Variants in SEMA5A observed in about 807,000 individuals in gnomAD.
SEMA5A encodes semaphorin-5A.
Under a neutral mutation model 135.5 loss-of-function variants are expected in SEMA5A, and 55 were observed. That is an observed-to-expected ratio of 0.41 (90% confidence interval 0.33 to 0.51). SEMA5A has a LOEUF of 0.51. Among genes scored for constraint, SEMA5A ranks in the 20% least tolerant of loss-of-function variants. The probability of loss-of-function intolerance (pLI) is 0.37; values close to 1 mark genes in which losing one functional copy is unlikely to be tolerated. For missense variants in SEMA5A, 1,290 were observed against 1,419.9 expected (o/e 0.91, Z 1.47); for synonymous variants, 580 against 546.5 (o/e 1.06, Z -0.85).
At chr5:9,313,183 T>TA (rs1369646002) in intron 5 of SEMA5A, among the ~76,000 whole-genome samples, 1 of 152,166 alleles carries the variant, frequency 6.6e-6, no homozygotes, top group East Asian at 1.9e-4. Context: ...TCATTGTTGC[T>TA]AAACCAATGT....
At chr5:9,391,204 T>C (rs1756145831) in intron 2 of SEMA5A, among the ~76,000 whole-genome samples, 1 of 152,202 alleles carries the variant, frequency 6.6e-6, no homozygotes, top group South Asian at 2.1e-4. Flanking sequence ...AGTAACTAGC[T>C]GCAGCATCAT....
At chr5:9,325,282 TGCAC>T (rs1752820722) in intron 4 of SEMA5A, among the ~76,000 whole-genome samples, 1 of 152,132 alleles carries the variant, frequency 6.6e-6, no homozygotes, top group Non-Finnish European at 1.5e-5. Flanking sequence ...AATTTGACAT[TGCAC>T]ATTCACGTGC....
At chr5:9,071,386 A>T (rs1044752403) in intron 16 of SEMA5A, among the ~76,000 whole-genome samples, 2 of 152,204 alleles carry the variant, frequency 1.3e-5, no homozygotes, top group Non-Finnish European at 2.9e-5. Context: ...CTTAAAGCTT[A>T]AGTGCCTATT....
chr5:9,472,663 T>C (rs1460376313), intron 1 of SEMA5A, among the ~76,000 whole-genome samples: 2 of 152,156 alleles, frequency 1.3e-5, no homozygotes, highest in African/African-American at 2.4e-5. Flanking sequence ...AGTCTCCTAA[T>C]GTTTTCATAG....
At chr5:9,136,375 A>T (rs6883525) in intron 13 of SEMA5A, 129 bp downstream of exon 13, 13 of 702,200 alleles carry the variant, frequency 1.9e-5, no homozygotes, top group Non-Finnish European at 3.0e-5. Flanking sequence ...GAGAGAGCAC[A>T]GACTGGGTTT....
In SEMA5A at chr5:9,041,409, G is replaced by GTCGTGTTCTTTTTTTCAA. The variant is rs1249659126; in HGVS notation, c.*1470_*1487dup. On this transcript the variant is annotated 3_prime_UTR_variant, in exon 23 of 23. Transcript: ENST00000382496. The stretch of plus-strand genomic sequence containing the variant: ...CAGAGGCATCAGATGAACTTTTTCA[G>GTCGTGTTCTTTTTTTCAA]TCGTGTTCTTTTTTTCAATAATTAT... 1.3e-5 allele frequency: 2 copies of GTCGTGTTCTTTTTTTCAA among 152,240 alleles called. No individual in the cohort carries two copies. Among genetic ancestry groups the GTCGTGTTCTTTTTTTCAA allele is most frequent in the Admixed American group, 1.3e-4 (2 of 15,288 alleles). 9.4% of individuals were successfully genotyped at this position (152,240 alleles called of 1,614,324 possible).
intron 11 of SEMA5A, among the ~76,000 whole-genome samples, chr5:9,189,395 GAAA>G (rs34061066): frequency 2.4e-4 from 34 of 141,040 alleles, no homozygotes; most frequent in East Asian, 1.8e-3. Flanking sequence ...GCAACTTCAT[GAAA>G]AAAAAAAAAA....
At chr5:9,311,592 GT>G (rs1172679753) in intron 5 of SEMA5A, among the ~76,000 whole-genome samples, 1 of 131,420 alleles carries the variant, frequency 7.6e-6, no homozygotes, top group Non-Finnish European at 1.6e-5. Context: ...GGGGACTGTT[GT>G]GGGGTCGGGG....
chr5:9,483,417 T>C (rs1759955754), intron 1 of SEMA5A, among the ~76,000 whole-genome samples: 1 of 152,262 alleles, frequency 6.6e-6, no homozygotes, highest in Non-Finnish European at 1.5e-5. Flanking sequence ...CATACCAGAA[T>C]GTAGAGACAA....
At chr5:9,524,937 A>C (rs1737045601) in intron 1 of SEMA5A, among the ~76,000 whole-genome samples, 1 of 152,202 alleles carries the variant, frequency 6.6e-6, no homozygotes, top group Non-Finnish European at 1.5e-5. Flanking sequence ...ATGGCAGGCT[A>C]AAATCAAGCT....
intron 6 of SEMA5A, among the ~76,000 whole-genome samples, chr5:9,233,294 A>G (rs1275466828): frequency 6.6e-6 from 1 of 152,258 alleles, no homozygotes; most frequent in East Asian, 1.9e-4. Flanking sequence ...ACACACAAGG[A>G]ACTCTTGTTA....
chr5:9,145,396 T>C (rs1742276266), intron 12 of SEMA5A, among the ~76,000 whole-genome samples: 3 of 152,206 alleles, frequency 2.0e-5, no homozygotes, highest in Non-Finnish European at 4.4e-5. Flanking sequence ...AAGCTCATGC[T>C]CTTTCCATAG....
At chr5:9,339,032 A>C (rs759686828) in intron 3 of SEMA5A, among the ~76,000 whole-genome samples, 3 of 152,204 alleles carry the variant, frequency 2.0e-5, no homozygotes, top group Non-Finnish European at 4.4e-5. Flanking sequence ...AGGGACTTGT[A>C]ATGTATATGA....
chr5:9,444,171 TA>T (rs138017558), intron 1 of SEMA5A, among the ~76,000 whole-genome samples: 2,512 of 151,834 alleles, frequency 0.017, 72 homozygotes, highest in African/African-American at 0.056. Flanking sequence ...TTTTTTAGTT[TA>T]TTTTTTTTAA....
chr5:9,088,892 C>A (rs1243033924), intron 16 of SEMA5A, among the ~76,000 whole-genome samples: 1 of 152,098 alleles, frequency 6.6e-6, no homozygotes, highest in Non-Finnish European at 1.5e-5. Flanking sequence ...CCTCCCACTC[C>A]CGTGGCCTGT....
In SEMA5A at chr5:9,190,395, A is replaced by C; in HGVS notation, c.1145T>G (p.Met382Arg). The stretch of plus-strand genomic sequence containing the variant: ...GGTCACTGGCTGTACCACCTCATGC[A>C]TCAGAATGAACTTCTGAGCATCCTG... ...NLQDAQKFIL[M>R]HEVVQPVTTV... The change falls in exon 11 of 23, where the codon ATG becomes AGG. Residue 382 changes from methionine (M) to arginine (R), a missense_variant. Physicochemically the swap from Met to Arg is moderately conservative, Grantham distance 91. This residue lies in a region of SEMA5A where 1,029 missense variants were observed against 1,086.6 expected (regional missense o/e 0.95). Transcript: ENST00000382496. 6.2e-7 allele frequency: 1 copy of C among 1,613,962 alleles called. No individual in the cohort carries two copies. Among genetic ancestry groups the C allele is most frequent in the Non-Finnish European group, 8.5e-7 (1 of 1,179,998 alleles).
intron 6 of SEMA5A, among the ~76,000 whole-genome samples, chr5:9,227,304 G>T (rs1027745954): frequency 2.0e-5 from 3 of 152,114 alleles, no homozygotes; most frequent in Admixed American, 2.0e-4. Context: ...ATTTCATTTT[G>T]AATTGTATCT....
At chr5:9,269,818 C>A (rs868417904) in intron 5 of SEMA5A, among the ~76,000 whole-genome samples, 1 of 152,082 alleles carries the variant, frequency 6.6e-6, no homozygotes, top group Non-Finnish European at 1.5e-5. Flanking sequence ...TTCTAACACT[C>A]ACTTCTGAGT....
chr5:9,123,106 T>C (rs1740905233), intron 13 of SEMA5A, among the ~76,000 whole-genome samples: 1 of 150,664 alleles, frequency 6.6e-6, no homozygotes, highest in Admixed American at 6.6e-5. Context: ...TACAAAAAAT[T>C]AGCCTGGCAT....
Sources: allele counts gnomAD v4.1 joint callset (sites outside exome capture counted in the v4.1 genomes callset), GRCh38; gene constraint gnomAD v4.1.1; regional missense constraint gnomAD v4.1.1; transcripts MANE v1.5; gene names NCBI Gene and HGNC (gene_info 2026-07-23, HGNC 2026-07-21).